The following NFE2L2 variants were observed in gnomAD, a reference collection of about 807,000 sequenced individuals.
NFE2L2 encodes nuclear factor erythroid 2-related factor 2.
In NFE2L2, 20 loss-of-function variants were observed where a neutral mutation model predicts 49.6. The ratio of observed to expected loss-of-function variants is 0.40; its 90% CI spans 0.28 to 0.59. The LOEUF is 0.59. NFE2L2 is among the 20% of genes least tolerant of loss of function. The pLI, the probability that NFE2L2 is intolerant of heterozygous loss-of-function variation, is 0.40. For missense variants in NFE2L2, 578 were observed against 714.2 expected (o/e 0.81, Z 2.17); for synonymous variants, 244 against 256.5 (o/e 0.95, Z 0.47).
intron 1 of NFE2L2, among the ~76,000 whole-genome samples, chr2:177,245,419 G>A (rs1453693393): frequency 6.6e-6 from 1 of 152,112 alleles, no homozygotes; most frequent in Non-Finnish European, 1.5e-5. Context: ...ATTTGGCAGA[G>A]GGAAAAGATC....
rs1411608440 is a variant in NFE2L2, at chr2:177,231,972, T to C, written c.631A>G (p.Thr211Ala). The C allele has an allele frequency of 6.2e-7, 1 of 1,612,668 alleles. No individual in the cohort carries two copies. Among genetic ancestry groups the C allele is most frequent in the East Asian group, 2.2e-5 (1 of 44,868 alleles). Residue 211 changes from threonine to alanine, a missense_variant, in exon 5 of 5, where the codon ACC (threonine) becomes GCC (alanine). Thr to Ala is a moderately conservative substitution (Grantham distance 58). Around this residue, in one of 3 missense-constraint regions of NFE2L2, gnomAD observed 368 missense variants for 384.6 expected, o/e 0.96. Coordinates refer to ENST00000397062, the MANE Select transcript of NFE2L2 (RefSeq NM_006164.5). Reference protein sequence around the residue: ...NIENDKLVETTMVPSPEAKLT... With the variant: ...NIENDKLVETAMVPSPEAKLT... ...TTGGCTTCTGGACTTGGAACCATGG[T>C]AGTCTCAACCAGCTTGTCATTTTCA...
At chr2:177,233,142 T>A in intron 3 of NFE2L2, 108 bp downstream of exon 3, 1 of 957,674 alleles carries the variant, frequency 1.0e-6, no homozygotes, top group Non-Finnish European at 1.5e-6. Context: ...CCTAAAAATG[T>A]TTTTATTCTT....
At position 177,245,396 on chromosome 2, in the gene NFE2L2, C is replaced by T. The variant is rs141026669; in HGVS notation, c.46-11125G>A. Among the ~76,000 whole-genome samples the T allele has an allele frequency of 4.3e-3, 651 of 152,278 alleles. 6 individuals carry two copies. The highest frequency in any genetic ancestry group is 0.015 in the African/African-American group (622 of 41,554). On this transcript the variant is annotated intron_variant, in intron 1 of 4. Transcript: ENST00000397062. ...AGGGTCTACTTTTCTAATTTTACAA[C>T]TCTTGCCAAGTTATTTGGCAGAGGG...
At chr2:177,250,304 C>T (rs980608546) in intron 1 of NFE2L2, among the ~76,000 whole-genome samples, 2 of 152,152 alleles carry the variant, frequency 1.3e-5, no homozygotes, top group African/African-American at 2.4e-5. Flanking sequence ...TAAATTAACC[C>T]GGAGTTCAGA....
chr2:177,264,202 A>T (rs1211937585), intron 1 of NFE2L2, among the ~76,000 whole-genome samples: 1 of 151,908 alleles, frequency 6.6e-6, no homozygotes, highest in Non-Finnish European at 1.5e-5. Flanking sequence ...GCTCAAACTT[A>T]GGGGCTCCGG....
rs897178334 is a variant in NFE2L2 at position 177,231,773 on chromosome 2, A to G, written c.830T>C (p.Val277Ala). 1 of 1,614,206 alleles carries G rather than the reference A, an allele frequency of 6.2e-7. No homozygotes were observed. The highest frequency in any genetic ancestry group is 8.5e-7 in the Non-Finnish European group (1 of 1,180,026). Residue 277 changes from valine (V) to alanine (A), a missense_variant, in exon 5 of 5, where the codon GTC (valine) becomes GCC (alanine). Transcript: ENST00000397062. ...AAATTCATCACCAAAATCTGTGTTG[A>G]CTGTGGCATCTGAATTTAATGAGTT... ...TVNSLNSDAT[V>A]NTDFGDEFYS... is the part of the protein sequence containing the mutation.
intron 1 of NFE2L2, 44 bp downstream of exon 1, chr2:177,264,485 GCCC>G: frequency 6.6e-7 from 1 of 1,507,928 alleles, no homozygotes; most frequent in Non-Finnish European, 8.9e-7. Context: ...TAGCTCCCCC[GCCC>G]CCGTCCCGGC....
At chr2:177,264,156 G>T (rs942011862) in intron 1 of NFE2L2, among the ~76,000 whole-genome samples, 12 of 152,130 alleles carry the variant, frequency 7.9e-5, no homozygotes, top group Non-Finnish European at 1.8e-4. Context: ...CAGACGGCCA[G>T]CGTCCGCCCC....
At chr2:177,258,233 A>G (rs1229100074) in intron 1 of NFE2L2, among the ~76,000 whole-genome samples, 3 of 152,268 alleles carry the variant, frequency 2.0e-5, no homozygotes, top group African/African-American at 7.2e-5. Flanking sequence ...ATACAATGGA[A>G]TAGTATGCAG....
chr2:177,236,194 A>G (rs1435248765), intron 1 of NFE2L2, among the ~76,000 whole-genome samples: 1 of 152,230 alleles, frequency 6.6e-6, no homozygotes, highest in Non-Finnish European at 1.5e-5. Context: ...TGGTTGTTTC[A>G]GTGAGGAGTC....
At chr2:177,263,765 G>T in intron 1 of NFE2L2, 1 of 985,502 alleles carries the variant, frequency 1.0e-6, no homozygotes, top group South Asian at 4.7e-5. Flanking sequence ...CCAACTCCGG[G>T]TGCCCGAGCC....
chr2:177,234,794 C>T lies in NFE2L2; in HGVS notation c.46-523G>A, dbSNP rs549566801. Among the ~76,000 whole-genome samples, 4 of 152,262 alleles carry T rather than the reference C, an allele frequency of 2.6e-5. No homozygotes were observed. In the East Asian group the frequency reaches 7.7e-4, roughly 29 times the overall value. On this transcript the variant is annotated intron_variant, in intron 1 of 4. Transcript: ENST00000397062. ...ATCACCATTCTTTCCATCTTTCCTA[C>T]ACTAGATTATCTTCTCCCCATCACT...
At chr2:177,237,458 G>C (rs1254265977) in intron 1 of NFE2L2, among the ~76,000 whole-genome samples, 1 of 152,200 alleles carries the variant, frequency 6.6e-6, no homozygotes, top group African/African-American at 2.4e-5. Flanking sequence ...CATTCTGATG[G>C]ACATGTTTAC....
chr2:177,231,928 A>G lies in NFE2L2; in HGVS notation c.675T>C (p.Asn225=), dbSNP rs1689568877. The part of the protein sequence containing the change: ...SPEAKLTEVD[N]YHFYSSIPSM... Reference sequence around the variant, plus strand: ...AGGGTATAGATGAGTAAAAATGATAATTGTCAACTTCTGTCAGTTTGGCTT... The same window carrying G: ...AGGGTATAGATGAGTAAAAATGATAGTTGTCAACTTCTGTCAGTTTGGCTT... The change falls in exon 5 of 5, where the codon AAT becomes AAC. Residue 225 remains asparagine, a synonymous_variant. Transcript: ENST00000397062. 1 of 1,614,090 alleles carries G rather than the reference A, an allele frequency of 6.2e-7. No homozygotes were observed. The highest frequency in any genetic ancestry group is 8.5e-7 in the Non-Finnish European group (1 of 1,179,966).
rs754094243 is a variant in NFE2L2 at position 177,231,898 on chromosome 2, C to T, written c.705G>A (p.Met235Ile). Residue 235 changes from methionine (M) to isoleucine (I), a missense_variant, in exon 5 of 5, where the codon ATG (methionine) becomes ATA (isoleucine). Coordinates refer to ENST00000397062, the MANE Select transcript of NFE2L2 (RefSeq NM_006164.5). The stretch of plus-strand genomic sequence containing the variant: ...GACTACAGTTACCTACTTCTTTTTC[C>T]ATTGAGGGTATAGATGAGTAAAAAT... ...NYHFYSSIPS[M>I]EKEVGNCSPH... 1.9e-6 allele frequency: 3 copies of T among 1,613,984 alleles called. No individual in the cohort carries two copies. The African/African-American group carries it at 4.0e-5, about 22-fold the overall frequency.
intron 1 of NFE2L2, among the ~76,000 whole-genome samples, chr2:177,253,576 T>C (rs531782313): frequency 6.6e-6 from 1 of 152,338 alleles, no homozygotes; most frequent in South Asian, 2.1e-4. Context: ...AGTACGTGTA[T>C]ATTATTTAGA....
At chr2:177,252,938 G>A (rs1354108118) in intron 1 of NFE2L2, among the ~76,000 whole-genome samples, 2 of 152,192 alleles carry the variant, frequency 1.3e-5, no homozygotes, top group Non-Finnish European at 2.9e-5. Context: ...TCCACATCCA[G>A]TTTACCTGCC....
Position 177,233,304 on chromosome 2 carries a change from A to G in NFE2L2, c.348T>C (p.Phe116=). The G allele has an allele frequency of 6.2e-7, 1 of 1,610,562 alleles. No homozygotes were observed. Among genetic ancestry groups the G allele is most frequent in the Non-Finnish European group, 8.5e-7 (1 of 1,179,024 alleles). The part of the protein sequence containing the change: ...AHIPKSDALY[F]DDCMQLLAQT... ...GCGCCAAAAGCTGCATGCAGTCATC[A>G]AAGTACAAAGCATCTGATTTGGGAA... Residue 116 remains phenylalanine, a synonymous_variant, in exon 3 of 5, where the codon TTT becomes TTC. Transcript: ENST00000397062.
intron 1 of NFE2L2, among the ~76,000 whole-genome samples, chr2:177,246,105 T>G (rs534237753): frequency 1.4e-4 from 22 of 152,324 alleles, no homozygotes; most frequent in African/African-American, 4.3e-4. Flanking sequence ...GCCCTGTGCC[T>G]TCTCCCAAGG....
Sources: allele counts gnomAD v4.1 joint callset (sites outside exome capture counted in the v4.1 genomes callset), GRCh38; gene constraint gnomAD v4.1.1; regional missense constraint gnomAD v4.1.1; transcripts MANE v1.5; gene names NCBI Gene and HGNC (gene_info 2026-07-23, HGNC 2026-07-21).